The following TFB2M variants were observed in gnomAD, a reference collection of about 807,000 sequenced individuals.
TFB2M encodes the protein dimethyladenosine transferase 2, mitochondrial.
A neutral mutation model predicts 41.3 loss-of-function variants in TFB2M; 44 were observed. The ratio of observed to expected loss-of-function variants is 1.07; its 90% CI spans 0.84 to 1.37. TFB2M has a LOEUF of 1.37. Among genes scored for constraint, TFB2M ranks in the 40% most tolerant of loss-of-function variants. The pLI is 0.00. For synonymous variants in TFB2M, 188 were observed against 176.8 expected (o/e 1.06, Z -0.50); for missense variants, 496 against 490.2 (o/e 1.01, Z -0.11).
At chr1:246,549,687 G>C (rs1299925999) in intron 5 of TFB2M, among the ~76,000 whole-genome samples, 1 of 152,132 alleles carries the variant, frequency 6.6e-6, no homozygotes, top group East Asian at 1.9e-4. Flanking sequence ...AAATAGATCT[G>C]ACATAGGCTT....
At chr1:246,563,824 C>T (rs1465793099) in intron 2 of TFB2M, among the ~76,000 whole-genome samples, 1 of 152,038 alleles carries the variant, frequency 6.6e-6, no homozygotes, top group Non-Finnish European at 1.5e-5. Flanking sequence ...GGTCCCATCC[C>T]CAAGATATCT....
At chr1:246,559,900 A>C (rs1445475991) in intron 2 of TFB2M, among the ~76,000 whole-genome samples, 1 of 152,204 alleles carries the variant, frequency 6.6e-6, no homozygotes, top group Non-Finnish European at 1.5e-5. Context: ...ACTAAGGAGG[A>C]AAACCAGAAG....
chr1:246,540,954 G>A lies in TFB2M; in HGVS notation c.*77C>T. On this transcript the variant is annotated 3_prime_UTR_variant, in exon 8 of 8. Transcript: ENST00000366514. The stretch of plus-strand genomic sequence containing the variant: ...AACAGTTACCTTCTGCTGAAAGGAT[G>A]TGAGTTTTCAAATTTGGTTTTCATG... 7.1e-7 allele frequency: 1 copy of A among 1,417,604 alleles called. No homozygotes were observed. The highest frequency in any genetic ancestry group is 9.6e-7 in the Non-Finnish European group (1 of 1,037,468). 87.8% of individuals were successfully genotyped at this position (1,417,604 alleles called of 1,614,324 possible). A position where few individuals can be genotyped will look rare whatever the true frequency, so the allele number is the denominator to read the frequency against.
chr1:246,557,944 C>T (rs1659366636), intron 2 of TFB2M, among the ~76,000 whole-genome samples: 2 of 152,124 alleles, frequency 1.3e-5, no homozygotes, highest in Admixed American at 6.5e-5. Context: ...GCTGGGATTA[C>T]AGGCGTGAGC....
chr1:246,541,089 T>G lies in TFB2M; in HGVS notation c.1133A>C (p.Glu378Ala). 6.2e-7 allele frequency: 1 copy of G among 1,614,164 alleles called. No individual in the cohort carries two copies. The highest frequency in any genetic ancestry group is 8.5e-7 in the Non-Finnish European group (1 of 1,180,014). Residue 378 changes from glutamate to alanine, a missense_variant, in exon 8 of 8, where the codon GAG becomes GCG. Coordinates refer to ENST00000366514, the MANE Select transcript of TFB2M (RefSeq NM_022366.3). ...QDFKTLFETI[E>A]RSKDCAYKWL... ...TTTATAAGCACAATCTTTGGAACGC[T>G]CTATAGTTTCAAAAAGTGTTTTGAA... is the stretch of plus-strand genomic sequence containing the variant.
chr1:246,564,583 T>C (rs1054464488), intron 1 of TFB2M, 149 bp from the exon 2 acceptor site: 18 of 640,690 alleles, frequency 2.8e-5, no homozygotes, highest in Middle Eastern at 3.5e-4. Flanking sequence ...TTTTTACATA[T>C]AAGGAAACAG....
intron 4 of TFB2M, among the ~76,000 whole-genome samples, chr1:246,556,034 G>A (rs1047386760): frequency 1.3e-5 from 2 of 152,148 alleles, no homozygotes; most frequent in Non-Finnish European, 2.9e-5. Context: ...CAAGCGATCA[G>A]CATGCCTTGG....
chr1:246,543,374 T>TGGATTTATGTACAAATTACAC (rs1658914075), intron 7 of TFB2M, among the ~76,000 whole-genome samples: 1 of 152,156 alleles, frequency 6.6e-6, no homozygotes, highest in Non-Finnish European at 1.5e-5. Flanking sequence ...ACAAATTACA[T>TGGATTTATGTACAAATTACAC]GGATTTATGT....
At position 246,556,703 on chromosome 1, in the gene TFB2M, A is replaced by G. The variant is rs1659332197; in HGVS notation, c.575T>C (p.Val192Ala). ...CTCACCTCTACTTGGGAACATTCCA[A>G]CTACTTTTAAAGGGATGTCTGTTAG... ...PWTADIPLKVVGMFPSRGEKR... is the reference protein window; with the variant it reads ...PWTADIPLKVAGMFPSRGEKR... The change falls in exon 4 of 8, where the codon GTT becomes GCT. Residue 192 changes from valine to alanine, a missense_variant. Val to Ala is a moderately conservative substitution (Grantham distance 64). Transcript: ENST00000366514. 1 of 1,569,594 alleles carries G rather than the reference A, an allele frequency of 6.4e-7. No individual in the cohort carries two copies. Among genetic ancestry groups the G allele is most frequent in the Non-Finnish European group, 8.6e-7 (1 of 1,167,002 alleles).
intron 7 of TFB2M, 112 bp from the exon 8 acceptor site, chr1:246,541,314 A>G (rs897216361): frequency 9.9e-7 from 1 of 1,005,274 alleles, no homozygotes; most frequent in Non-Finnish European, 1.5e-6. Context: ...TTAGGCATAC[A>G]GAGTGCTATA....
At chr1:246,547,414 T>C (rs1047967353) in intron 6 of TFB2M, among the ~76,000 whole-genome samples, 4 of 152,258 alleles carry the variant, frequency 2.6e-5, no homozygotes, top group South Asian at 2.1e-4. Context: ...TATCCAAATG[T>C]ACTGTATTAG....
intron 4 of TFB2M, among the ~76,000 whole-genome samples, chr1:246,552,339 A>G (rs1009452956): frequency 1.3e-5 from 2 of 152,226 alleles, no homozygotes; most frequent in African/African-American, 4.8e-5. Flanking sequence ...TCTGGGCAGA[A>G]AAGAAAGATG....
At chr1:246,542,280 T>C (rs1052400026) in intron 7 of TFB2M, among the ~76,000 whole-genome samples, 2 of 150,506 alleles carry the variant, frequency 1.3e-5, no homozygotes, top group African/African-American at 4.9e-5. Flanking sequence ...ATACAATATA[T>C]AATCAATGAG....
At chr1:246,544,494 A>T in intron 7 of TFB2M, 27 bp downstream of exon 7, 2 of 1,566,900 alleles carry the variant, frequency 1.3e-6, no homozygotes, top group South Asian at 1.2e-5. Context: ...TTGCTACTTT[A>T]TACTTGCTTT....
intron 3 of TFB2M, 127 bp from the exon 4 acceptor site, chr1:246,556,848 G>T: frequency 1.3e-6 from 1 of 795,474 alleles, no homozygotes; most frequent in Non-Finnish European, 1.9e-6. Context: ...TTAAAACTAA[G>T]CCTCAATATC....
intron 2 of TFB2M, among the ~76,000 whole-genome samples, chr1:246,561,562 G>A (rs1194730550): frequency 6.6e-6 from 1 of 152,028 alleles, no homozygotes; most frequent in Non-Finnish European, 1.5e-5. Context: ...CCACCTACCG[G>A]GTTCAAGTGA....
At chr1:246,565,717 A>G (rs1659633106) in intron 1 of TFB2M, 109 bp downstream of exon 1, 2 of 1,244,294 alleles carry the variant, frequency 1.6e-6, no homozygotes, top group Non-Finnish European at 1.1e-6. Context: ...TCTCAAAGCA[A>G]AAGAACAACA....
intron 2 of TFB2M, 125 bp downstream of exon 2, chr1:246,564,221 A>G (rs141359961): frequency 1.1e-5 from 8 of 758,218 alleles, no homozygotes; most frequent in African/African-American, 7.0e-5. Flanking sequence ...AATAAACAAG[A>G]TATTTCAGAG....
At chr1:246,560,156 A>C (rs887738447) in intron 2 of TFB2M, among the ~76,000 whole-genome samples, 2 of 152,084 alleles carry the variant, frequency 1.3e-5, no homozygotes, top group Non-Finnish European at 2.9e-5. Context: ...TATGGCCCAG[A>C]CAGTTGATGT....
Sources: gnomAD v4.1 joint callset for allele counts (sites outside exome capture counted in the v4.1 genomes callset) on GRCh38, gnomAD v4.1.1 for gene constraint, MANE v1.5 for transcripts, NCBI Gene and HGNC (gene_info 2026-07-23, HGNC 2026-07-21) for gene names.